Variants in TNRC18 observed in about 807,000 individuals in gnomAD.
TNRC18 encodes trinucleotide repeat-containing gene 18 protein.
In TNRC18, 69 loss-of-function variants were observed where a neutral mutation model predicts 226.7. That is an observed-to-expected ratio of 0.30 (90% CI 0.25 to 0.37). The LOEUF is 0.37. TNRC18 is among the 10% of genes least tolerant of loss of function. TNRC18 has a pLI of 1.00. For synonymous variants in TNRC18, 2,449 were observed against 1,927.6 expected, an observed-to-expected ratio of 1.27 and a Z score of -7.09; for missense variants, 4,754 against 4,256.6, an observed-to-expected ratio of 1.12 and a Z score of -3.25.
intron 2 of TNRC18, among the ~76,000 whole-genome samples, chr7:5,416,393 C>T (rs971527767): frequency 2.0e-5 from 3 of 152,008 alleles, no homozygotes; most frequent in South Asian, 2.1e-4. Flanking sequence ...CCAGCCTGGG[C>T]GACAGAGCGA....
intron 18 of TNRC18, among the ~76,000 whole-genome samples, chr7:5,341,936 G>A (rs1211565594): frequency 6.6e-6 from 1 of 152,150 alleles, no homozygotes; most frequent in Non-Finnish European, 1.5e-5. Flanking sequence ...CAAGAGCTCT[G>A]AGGGAGACGT....
chr7:5,337,076 G>C (rs1261211161), intron 18 of TNRC18, among the ~76,000 whole-genome samples: 1 of 152,134 alleles, frequency 6.6e-6, no homozygotes, highest in Non-Finnish European at 1.5e-5. Flanking sequence ...CCGCCACGAG[G>C]CATGCCACAG....
At chr7:5,359,633 C>T in intron 14 of TNRC18, 64 bp from the exon 15 acceptor site, 1 of 1,594,464 alleles carries the variant, frequency 6.3e-7, no homozygotes, top group Non-Finnish European at 8.5e-7. Context: ...CTGAGGTCCA[C>T]CCTCATGGCC....
Position 5,394,300 on chromosome 7 carries a change from G to C in TNRC18, c.343+140C>G. The C allele has an allele frequency of 5.3e-6, 4 of 750,112 alleles. No homozygotes were observed. The highest frequency in any genetic ancestry group is 8.2e-6 in the Non-Finnish European group (4 of 490,506). 46.5% of individuals were successfully genotyped at this position (750,112 alleles called of 1,614,324 possible). A position where few individuals can be genotyped will look rare whatever the true frequency, so the allele number is the denominator to read the frequency against. ...TGACAAGAAGAAGCCCTGAGCGTTT[G>C]AGAAACAACAGGGAAGCCAGGTGAC... On this transcript the variant is annotated intron_variant, in intron 3 of 29. Coordinates refer to ENST00000430969, the MANE Select transcript of TNRC18 (RefSeq NM_001080495.3). The surrounding 1 kb of genome is among the most constrained non-coding windows in gnomAD (Gnocchi z 4.5).
At chr7:5,364,462 A>AACACACACACACACACACACACACACAC (rs58752853) in intron 11 of TNRC18, among the ~76,000 whole-genome samples, 1 of 116,638 alleles carries the variant, frequency 8.6e-6, no homozygotes, top group Non-Finnish European at 1.8e-5. Flanking sequence ...TCTCAAAGAA[A>AACACACACACACACACACACACACACAC]ACACACACAC....
rs574735857 is a variant in TNRC18, at chr7:5,315,162, G to A, written c.6863-14C>T. On this transcript the variant is annotated splice_polypyrimidine_tract_variant and intron_variant, in intron 25 of 29. Coordinates refer to ENST00000430969, the MANE Select transcript of TNRC18 (RefSeq NM_001080495.3). ...ACGGCTCAGCACCTGTGGGGCAGAG[G>A]ACAGAGTGGCTCATCAGGCCTGGGG... 2.5e-5 allele frequency: 41 copies of A among 1,609,112 alleles called. No individual in the cohort carries two copies. The Admixed American group carries it at 5.9e-4, about 23-fold the overall frequency.
intron 18 of TNRC18, among the ~76,000 whole-genome samples, chr7:5,336,262 T>A (rs1790111904): frequency 6.7e-6 from 1 of 149,242 alleles, no homozygotes; most frequent in Non-Finnish European, 1.5e-5. Context: ...ATGCATCACA[T>A]TCCAGAGAGA....
chr7:5,339,470 C>T (rs74448138), intron 18 of TNRC18, among the ~76,000 whole-genome samples: 1 of 151,718 alleles, frequency 6.6e-6, no homozygotes, highest in Non-Finnish European at 1.5e-5. Flanking sequence ...AAACTCCTGA[C>T]CTCTGATGTT....
chr7:5,343,079 C>T (rs576366646), intron 18 of TNRC18, among the ~76,000 whole-genome samples: 18 of 152,240 alleles, frequency 1.2e-4, no homozygotes, highest in African/African-American at 2.9e-4. Context: ...TACGTCCAGG[C>T]GCGGTGGCTC....
chr7:5,389,625 T>C (rs546123553), intron 4 of TNRC18: 21 of 219,720 alleles, frequency 9.6e-5, no homozygotes, highest in African/African-American at 4.4e-4. Flanking sequence ...CGGCTAATTA[T>C]TGTATTTTTA....
intron 25 of TNRC18, 25 bp downstream of exon 25, chr7:5,315,931 C>T (rs374386572): frequency 1.8e-4 from 269 of 1,525,398 alleles, no homozygotes; most frequent in Admixed American, 4.2e-4. Context: ...GGCAGGAGAC[C>T]GGGTGTCATG....
chr7:5,379,182 C>G (rs1779220197), intron 5 of TNRC18, among the ~76,000 whole-genome samples: 1 of 149,992 alleles, frequency 6.7e-6, no homozygotes, highest in South Asian at 2.1e-4. Context: ...GGACAACAGA[C>G]AGAATAAGAC....
rs1291835470 is a variant in TNRC18, at chr7:5,421,350, G to A, written c.-104C>T. 3 of 1,097,844 alleles carry A rather than the reference G, an allele frequency of 2.7e-6. No homozygotes were observed. Among genetic ancestry groups the A allele is most frequent in the Admixed American group, 4.4e-5 (1 of 22,550 alleles). The allele number at this position is 1,097,844 out of a possible 1,614,324, so 68.0% of individuals were successfully genotyped here. A position where few individuals can be genotyped will look rare whatever the true frequency, so the allele number is the denominator to read the frequency against. The stretch of plus-strand genomic sequence containing the variant: ...CGTAGTCCCAGAGTCCTCGGGCGGC[G>A]GGGGCTCCGCGGCGTGCATGGCGGC... On this transcript the variant is annotated 5_prime_UTR_variant, in exon 2 of 30. Transcript: ENST00000430969.
At chr7:5,362,319 C>T (rs962333298) in intron 12 of TNRC18, among the ~76,000 whole-genome samples, 8 of 152,190 alleles carry the variant, frequency 5.3e-5, no homozygotes, top group African/African-American at 1.9e-4. Flanking sequence ...CATTTATAAA[C>T]GGAAGGCTCA....
At chr7:5,350,949 G>C (rs1261042992) in intron 17 of TNRC18, among the ~76,000 whole-genome samples, 1 of 152,158 alleles carries the variant, frequency 6.6e-6, no homozygotes, top group Admixed American at 6.5e-5. Flanking sequence ...CTTCAAAACA[G>C]AAATACACGT....
rs368187946 is a variant in TNRC18, at chr7:5,313,475, G to A, written c.7416C>T (p.Pro2472=). 3.7e-5 allele frequency: 59 copies of A among 1,613,102 alleles called. No homozygotes were observed. The highest frequency in any genetic ancestry group is 4.7e-5 in the Non-Finnish European group (55 of 1,179,538). ...GGGCCTCTTTAGCCTTCTTGCTTTT[G>A]GGTGACGTGACACCCTCGTGGTCCA... ...VKLDHEGVTS[P]KSKKAKEALL... is the part of the protein sequence containing the mutation. The change falls in exon 27 of 30, where the codon CCC becomes CCT. Residue 2472 remains proline, a synonymous_variant. Transcript: ENST00000430969.
chr7:5,421,180 G>A lies in TNRC18; in HGVS notation c.67C>T (p.Leu23=), dbSNP rs1398582825. 11 of 1,391,610 alleles carry A rather than the reference G, an allele frequency of 7.9e-6. No homozygotes were observed. Among genetic ancestry groups the A allele is most frequent in the South Asian group, 6.8e-5 (4 of 58,958 alleles). 86.2% of individuals were successfully genotyped at this position (1,391,610 alleles called of 1,614,324 possible). A position where few individuals can be genotyped will look rare whatever the true frequency, so the allele number is the denominator to read the frequency against. Residue 23 remains leucine, a synonymous_variant, in exon 2 of 30, where the codon CTG becomes TTG. Coordinates refer to ENST00000430969, the MANE Select transcript of TNRC18 (RefSeq NM_001080495.3). ...CCCACGCGGTGGCTGTCCATGGCCA[G>A]GCCGGACAGCAGCGGCGGCGGGGGA... The part of the protein sequence containing the change: ...HGPPPPLLSG[L]AMDSHRVGAA...
At chr7:5,354,513 C>T (rs1270448565) in intron 16 of TNRC18, among the ~76,000 whole-genome samples, 1 of 152,060 alleles carries the variant, frequency 6.6e-6, no homozygotes, top group Admixed American at 6.6e-5. Flanking sequence ...AAGCCCCTCC[C>T]TTCCCCCTCA....
intron 5 of TNRC18, among the ~76,000 whole-genome samples, chr7:5,384,610 C>T (rs564396885): frequency 1.3e-5 from 2 of 152,212 alleles, no homozygotes; most frequent in African/African-American, 4.8e-5. Context: ...GACCGTGAGC[C>T]CCCAACAAAG....
Sources: allele counts gnomAD v4.1 joint callset (sites outside exome capture counted in the v4.1 genomes callset), GRCh38; gene constraint gnomAD v4.1.1; non-coding constraint Gnocchi (gnomAD v3.1); transcripts MANE v1.5; gene names NCBI Gene and HGNC (gene_info 2026-07-23, HGNC 2026-07-21).